CCSER1: variants seen among roughly 807,000 people sequenced by gnomAD.
The protein encoded by CCSER1 is serine-rich coiled-coil domain-containing protein 1.
A neutral mutation model predicts 82.0 loss-of-function variants in CCSER1; 41 were observed. That is an observed-to-expected ratio of 0.50 (90% confidence interval 0.39 to 0.65). The LOEUF (loss-of-function observed/expected upper bound fraction) is 0.65. Among genes scored for constraint, CCSER1 ranks in the 30% least tolerant of loss-of-function variants. The pLI is 0.00. For missense variants in CCSER1, 1,119 were observed against 1,064.2 expected, an observed-to-expected ratio of 1.05 and a Z score of -0.72; for synonymous variants, 414 against 383.9, an observed-to-expected ratio of 1.08 and a Z score of -0.92.
At chr4:90,789,077 G>A (rs1187847404) in intron 7 of CCSER1, among the ~76,000 whole-genome samples, 1 of 152,058 alleles carries the variant, frequency 6.6e-6, no homozygotes, top group Non-Finnish European at 1.5e-5. Flanking sequence ...ATTGAAAGAA[G>A]CTTGCCTTCT....
chr4:90,570,103 C>T (rs1391752731), intron 5 of CCSER1, among the ~76,000 whole-genome samples: 2 of 152,182 alleles, frequency 1.3e-5, no homozygotes, highest in African/African-American at 4.8e-5. Flanking sequence ...GACCTCCCCT[C>T]TCCCCAGCTC....
intron 10 of CCSER1, among the ~76,000 whole-genome samples, chr4:91,417,649 C>T (rs1461651340): frequency 1.3e-5 from 2 of 151,792 alleles, no homozygotes; most frequent in African/African-American, 2.4e-5. Context: ...GATAAGAACA[C>T]ATAGATACAT....
chr4:90,707,741 A>G (rs1327851324), intron 6 of CCSER1, among the ~76,000 whole-genome samples: 1 of 152,022 alleles, frequency 6.6e-6, no homozygotes, highest in Non-Finnish European at 1.5e-5. Context: ...AATCCAGCCC[A>G]CACTCAAGGA....
At chr4:91,141,517 C>T (rs1187059828) in intron 10 of CCSER1, among the ~76,000 whole-genome samples, 2 of 152,144 alleles carry the variant, frequency 1.3e-5, no homozygotes, top group African/African-American at 4.8e-5. Flanking sequence ...TTTTCTTTAT[C>T]CAATCCACTA....
intron 3 of CCSER1, among the ~76,000 whole-genome samples, chr4:90,344,708 G>C (rs942902389): frequency 6.6e-6 from 1 of 151,928 alleles, no homozygotes; most frequent in African/African-American, 2.4e-5. Flanking sequence ...TATTAAGTTG[G>C]GGAGCATCTG....
intron 9 of CCSER1, among the ~76,000 whole-genome samples, chr4:90,991,652 C>T (rs1737042240): frequency 6.6e-6 from 1 of 151,954 alleles, no homozygotes; most frequent in Admixed American, 6.6e-5. Context: ...TCAAGTATGA[C>T]CTCATTTTAA....
chr4:90,171,415 A>G (rs1731649380), intron 1 of CCSER1, among the ~76,000 whole-genome samples: 1 of 151,936 alleles, frequency 6.6e-6, no homozygotes. Context: ...ACCATTTACT[A>G]CTATTAAATC....
chr4:90,533,247 A>G (rs1774847148), intron 5 of CCSER1, among the ~76,000 whole-genome samples: 2 of 151,204 alleles, frequency 1.3e-5, no homozygotes, highest in Non-Finnish European at 2.9e-5. Context: ...GCCTGCCACC[A>G]CGCCTGGCAA....
At chr4:90,700,486 T>A (rs1737850127) in intron 6 of CCSER1, among the ~76,000 whole-genome samples, 1 of 152,196 alleles carries the variant, frequency 6.6e-6, no homozygotes, top group Non-Finnish European at 1.5e-5. Context: ...TGATTTATAA[T>A]CCTTTGGGTA....
At chr4:91,253,072 A>G (rs1740385701) in intron 10 of CCSER1, among the ~76,000 whole-genome samples, 1 of 151,694 alleles carries the variant, frequency 6.6e-6, no homozygotes, top group Non-Finnish European at 1.5e-5. Flanking sequence ...ATGGGCTTGA[A>G]CTGCATGGGT....
chr4:90,991,344 T>C (rs1216827149), intron 9 of CCSER1, among the ~76,000 whole-genome samples: 1 of 151,982 alleles, frequency 6.6e-6, no homozygotes, highest in African/African-American at 2.4e-5. Flanking sequence ...ACTTGCATTT[T>C]TGGAAGCTAG....
intron 3 of CCSER1, among the ~76,000 whole-genome samples, chr4:90,355,672 T>C (rs1186522862): frequency 6.6e-6 from 1 of 151,974 alleles, no homozygotes; most frequent in Non-Finnish European, 1.5e-5. Context: ...CAGTAGAGAA[T>C]ATGAACAGGT....
chr4:90,167,278 A>G (rs1247982252), intron 1 of CCSER1, among the ~76,000 whole-genome samples: 1 of 152,148 alleles, frequency 6.6e-6, no homozygotes, highest in South Asian at 2.1e-4. Flanking sequence ...TACAACTGTT[A>G]GAAATGAGTT....
At chr4:91,427,207 A>C (rs1250566423) in intron 10 of CCSER1, among the ~76,000 whole-genome samples, 3 of 152,112 alleles carry the variant, frequency 2.0e-5, no homozygotes, top group Non-Finnish European at 2.9e-5. Context: ...ACACACTTTA[A>C]AGTAGCACTT....
At chr4:90,811,979 T>TATAAACACACACACACAC (rs1561180586) in intron 7 of CCSER1, among the ~76,000 whole-genome samples, 48 of 108,610 alleles carry the variant, frequency 4.4e-4, no homozygotes, top group African/African-American at 1.6e-3. Flanking sequence ...CATATATATA[T>TATAAACACACACACACAC]ATATATATAT....
At chr4:90,504,737 A>G (rs1310794350) in intron 5 of CCSER1, among the ~76,000 whole-genome samples, 3 of 152,218 alleles carry the variant, frequency 2.0e-5, no homozygotes, top group Non-Finnish European at 2.9e-5. Context: ...TAGAAATGCT[A>G]TTACAGAAAA....
At chr4:91,417,234 A>G (rs1753420365) in intron 10 of CCSER1, among the ~76,000 whole-genome samples, 1 of 151,472 alleles carries the variant, frequency 6.6e-6, no homozygotes, top group Non-Finnish European at 1.5e-5. Flanking sequence ...TGTGTAGGAA[A>G]AGATTGGTGG....
chr4:91,207,344 TTTC>T (rs1371753010), intron 10 of CCSER1, among the ~76,000 whole-genome samples: 2 of 126,032 alleles, frequency 1.6e-5, no homozygotes, highest in African/African-American at 5.6e-5. Context: ...AACAGTTGCT[TTTC>T]TTTTCTTTTT....
At chr4:91,363,622 T>C (rs1749413109) in intron 10 of CCSER1, among the ~76,000 whole-genome samples, 1 of 151,746 alleles carries the variant, frequency 6.6e-6, no homozygotes, top group African/African-American at 2.4e-5. Context: ...GCAGTGTATG[T>C]CAAATAGTGC....
Sources: allele counts gnomAD v4.1 joint callset (sites outside exome capture counted in the v4.1 genomes callset), GRCh38; gene constraint gnomAD v4.1.1; transcripts MANE v1.5; gene names NCBI Gene and HGNC (gene_info 2026-07-23, HGNC 2026-07-21).